Variants in N4BP2 observed in about 807,000 individuals in gnomAD.
N4BP2 encodes the protein NEDD4-binding protein 2.
In N4BP2, 91 loss-of-function variants were observed where a neutral mutation model predicts 152.8. That is an observed-to-expected ratio of 0.60 (90% CI 0.50 to 0.71). N4BP2 has a LOEUF of 0.71. N4BP2 is among the 30% of genes least tolerant of loss of function. The pLI is 0.00. For missense variants in N4BP2, 1,923 were observed against 2,059.1 expected, an observed-to-expected ratio of 0.93 and a Z score of 1.28; for synonymous variants, 646 against 705.3, an observed-to-expected ratio of 0.92 and a Z score of 1.33.
At position 40,154,195 on chromosome 4, in the gene N4BP2, C is replaced by T; in HGVS notation, c.5271C>T (p.Phe1757=). 4 of 1,600,196 alleles carry T rather than the reference C, an allele frequency of 2.5e-6. No homozygotes were observed. Among genetic ancestry groups the T allele is most frequent in the Non-Finnish European group, 3.4e-6 (4 of 1,171,992 alleles). Residue 1757 remains phenylalanine (F), a synonymous_variant, in exon 18 of 18, where the codon TTC becomes TTT. Coordinates refer to ENST00000261435, the MANE Select transcript of N4BP2 (RefSeq NM_018177.6). ...AACTCTTTTCTCATTTCTGCAGGTT[C>T]TCTGAAATTAAACCAGGGTGCTTGA... The part of the protein sequence containing the change: ...IKYLISHSFR[F]SEIKPGCLKV...
chr4:40,079,701 T>C (rs181650135), intron 2 of N4BP2, among the ~76,000 whole-genome samples: 320 of 152,022 alleles, frequency 2.1e-3, no homozygotes, highest in African/African-American at 3.8e-3. Context: ...GCTTGGGAGG[T>C]TGAGGCAGGA....
intron 2 of N4BP2, among the ~76,000 whole-genome samples, chr4:40,082,627 C>G (rs1403672786): frequency 6.6e-6 from 1 of 151,436 alleles, no homozygotes; most frequent in Non-Finnish European, 1.5e-5. Context: ...ACTCTGTCTC[C>G]AAAATAAAAA....
At chr4:40,171,555 A>G in the N4BP2 span, among the ~76,000 whole-genome samples, 1 of 151,920 alleles carries the variant, frequency 6.6e-6, no homozygotes, top group Non-Finnish European at 1.5e-5. Flanking sequence ...AACCCCCAGT[A>G]CTCCTGAATG....
intron 13 of N4BP2, among the ~76,000 whole-genome samples, chr4:40,136,217 T>C (rs1719364970): frequency 1.4e-5 from 2 of 143,776 alleles, no homozygotes; most frequent in African/African-American, 4.9e-5. Context: ...TAAAGGTCTA[T>C]TGTCTGTGTT....
downstream of N4BP2, among the ~76,000 whole-genome samples, chr4:40,159,881 GT>G (rs374845650): frequency 6.7e-6 from 1 of 148,428 alleles, no homozygotes; most frequent in African/African-American, 2.5e-5. Flanking sequence ...AGTTGTTGTT[GT>G]TTTTTTTTTG....
intron 14 of N4BP2, among the ~76,000 whole-genome samples, chr4:40,141,888 C>G (rs1290921994): frequency 1.3e-5 from 2 of 152,200 alleles, no homozygotes; most frequent in African/African-American, 2.4e-5. Context: ...GAGCTGGAGA[C>G]CAGCCCGGCC....
At chr4:40,133,577 C>T (rs1719096947) in intron 13 of N4BP2, among the ~76,000 whole-genome samples, 1 of 151,924 alleles carries the variant, frequency 6.6e-6, no homozygotes, top group African/African-American at 2.4e-5. Context: ...CTCAGCTGAT[C>T]CACCCACCTT....
In N4BP2 at chr4:40,064,578, A is replaced by G. The variant is rs535382240; in HGVS notation, c.-212+7548A>G. ...GTGAGCCACCGCGCCCGGCAATAAC[A>G]AGTATTTATTGAGCTCTTGTTTGCT... is the stretch of plus-strand genomic sequence containing the variant. On this transcript the variant is annotated intron_variant, in intron 1 of 17. Transcript: ENST00000261435. Among the ~76,000 whole-genome samples, 5 of 152,058 alleles carry G rather than the reference A, an allele frequency of 3.3e-5. No individual in the cohort carries two copies. The East Asian group carries it at 9.8e-4, about 30-fold the overall frequency.
At chr4:40,118,176 T>G (rs555701184) in intron 8 of N4BP2, 152 bp downstream of exon 8, 1 of 558,532 alleles carries the variant, frequency 1.8e-6, no homozygotes, top group South Asian at 3.3e-5. Flanking sequence ...CCCAGCAGTT[T>G]GGGAGGCCGA....
intron 1 of N4BP2, among the ~76,000 whole-genome samples, chr4:40,069,295 T>A (rs1711902497): frequency 6.6e-6 from 1 of 151,014 alleles, no homozygotes; most frequent in Non-Finnish European, 1.5e-5. Context: ...AAAAATTAGC[T>A]GGGCTTAGTT....
In N4BP2 at chr4:40,102,728, TTA is replaced by T; in HGVS notation, c.884_885del (p.Leu295Ter). The T allele has an allele frequency of 6.2e-7, 1 of 1,614,170 alleles. No homozygotes were observed. Among genetic ancestry groups the T allele is most frequent in the Non-Finnish European group, 8.5e-7 (1 of 1,180,030 alleles). ...DLDASEPQAC[L>X]NLPGLDLPGT... Reference sequence around the variant, plus strand: ...GGATGCCAGTGAACCTCAGGCTTGTTTAAACCTTCCAGGGCTTGATTTACCAG... The same window carrying T: ...GGATGCCAGTGAACCTCAGGCTTGTTAACCTTCCAGGGCTTGATTTACCAG... On this transcript the variant is annotated frameshift_variant, in exon 4 of 18. Transcript: ENST00000261435. LOFTEE classifies it high-confidence loss of function.
chr4:40,100,213 A>T (rs564224785), intron 3 of N4BP2: 1 of 394,496 alleles, frequency 2.5e-6, no homozygotes, highest in East Asian at 7.7e-5. Context: ...AGCCAGCAGT[A>T]GAGATTTAAA....
At chr4:40,084,631 A>ATTTT (rs67269894) in intron 2 of N4BP2, among the ~76,000 whole-genome samples, 2 of 128,672 alleles carry the variant, frequency 1.6e-5, no homozygotes, top group Admixed American at 8.0e-5. Flanking sequence ...TATATATATA[A>ATTTT]TTTTTTTTTT....
Position 40,120,877 on chromosome 4 carries a change from C to T in N4BP2, c.2766C>T (p.Ser922=), listed in dbSNP as rs1717834558. 1.2e-6 allele frequency: 2 copies of T among 1,614,052 alleles called. No homozygotes were observed. Among genetic ancestry groups the T allele is most frequent in the South Asian group, 1.1e-5 (1 of 91,070 alleles). The part of the protein sequence containing the change: ...IGTNDKMNEI[S]LSTAHEACWG... ...CAAATGACAAAATGAATGAAATATC[C>T]TTATCTACAGCACATGAGGCCTGTT... Residue 922 remains serine (S), a synonymous_variant, in exon 9 of 18, where the codon TCC becomes TCT. Coordinates refer to ENST00000261435, the MANE Select transcript of N4BP2 (RefSeq NM_018177.6).
the N4BP2 span, among the ~76,000 whole-genome samples, chr4:40,180,891 C>T: frequency 6.6e-3 from 1,008 of 152,316 alleles, 9 homozygotes; most frequent in Non-Finnish European, 0.011. Flanking sequence ...GTGGCTCACA[C>T]CTGTAATCCC....
intron 1 of N4BP2, among the ~76,000 whole-genome samples, chr4:40,057,988 T>C (rs1733358351): frequency 6.6e-6 from 1 of 152,160 alleles, no homozygotes; most frequent in African/African-American, 2.4e-5. Flanking sequence ...TGGCTGCTTT[T>C]TCTACTCGAC....
chr4:40,147,933 C>T (rs1321686118), intron 16 of N4BP2, among the ~76,000 whole-genome samples: 5 of 151,172 alleles, frequency 3.3e-5, no homozygotes, highest in South Asian at 2.1e-4. Context: ...AGACGATGGG[C>T]GGCCGGGCAG....
chr4:40,079,173 C>T (rs191774210), intron 2 of N4BP2, among the ~76,000 whole-genome samples: 18 of 150,152 alleles, frequency 1.2e-4, no homozygotes, highest in Admixed American at 2.7e-4. Flanking sequence ...CCTCCTGCCT[C>T]GGCCTCCCAA....
In N4BP2 at chr4:40,102,778, T is replaced by C; in HGVS notation, c.933T>C (p.Ser311=). The C allele has an allele frequency of 6.2e-7, 1 of 1,614,214 alleles. No homozygotes were observed. The highest frequency in any genetic ancestry group is 8.5e-7 in the Non-Finnish European group (1 of 1,180,044). ...CAGGTACAGGTGGGGATCAGAAATC[T>C]ACTCGGGTCTCTGATGTGTTTCTAC... is the stretch of plus-strand genomic sequence containing the variant. The part of the protein sequence containing the change: ...DLPGTGGDQK[S]TRVSDVFLPS... Residue 311 remains serine, a synonymous_variant, in exon 4 of 18, where the codon TCT becomes TCC. Transcript: ENST00000261435.
Sources: allele counts gnomAD v4.1 joint callset (sites outside exome capture counted in the v4.1 genomes callset), GRCh38; gene constraint gnomAD v4.1.1; transcripts MANE v1.5; gene names NCBI Gene and HGNC (gene_info 2026-07-23, HGNC 2026-07-21).